Variants in ANK2 observed in about 807,000 individuals in gnomAD.
ANK2 encodes the protein ankyrin-2.
A neutral mutation model predicts 360.5 loss-of-function variants in ANK2; 83 were observed. The ratio of observed to expected loss-of-function variants is 0.23; its 90% CI spans 0.19 to 0.28. The LOEUF is 0.28. ANK2 is among the 10% of genes least tolerant of loss of function. ANK2 has a pLI of 1.00. For synonymous variants in ANK2, 1,740 were observed against 1,759.5 expected (o/e 0.99, Z 0.28); for missense variants, 4,201 against 4,795.7 (o/e 0.88, Z 3.66).
intron 23 of ANK2, 102 bp from the exon 24 acceptor site, chr4:113,311,142 AGTTTCATCAAG>A: frequency 1.5e-6 from 2 of 1,322,080 alleles, no homozygotes; most frequent in Non-Finnish European, 2.2e-6. Context: ...TGTGCAGTGC[AGTTTCATCAAG>A]GTCAAGGTAA....
intron 2 of ANK2, among the ~76,000 whole-genome samples, chr4:113,013,199 C>T (rs991672923): frequency 6.6e-6 from 1 of 152,114 alleles, no homozygotes. Context: ...ATTTATGATT[C>T]GTTCAGAGTG....
Position 113,381,823 on chromosome 4 carries a change from A to G in ANK2, c.*352A>G, listed in dbSNP as rs142883951. The G allele has an allele frequency of 1.9e-6, 1 of 524,590 alleles. No individual in the cohort carries two copies. Among genetic ancestry groups the G allele is most frequent in the African/African-American group, 1.9e-5 (1 of 51,910 alleles). 32.5% of individuals were successfully genotyped at this position (524,590 alleles called of 1,614,324 possible). A position where few individuals can be genotyped will look rare whatever the true frequency, so the allele number is the denominator to read the frequency against. ...TCTTTAACTATAAAGCTAATTTGTG[A>G]CCAAAGATGGCATCCTTCATACTGG... On this transcript the variant is annotated 3_prime_UTR_variant, in exon 46 of 46. Transcript: ENST00000357077.
chr4:113,265,100 GT>G, intron 14 of ANK2, 105 bp downstream of exon 14: 1 of 1,042,936 alleles, frequency 9.6e-7, no homozygotes, highest in Non-Finnish European at 1.4e-6. Flanking sequence ...ACCAGGGACT[GT>G]AAGTGAAAGG....
chr4:113,193,366 T>C (rs2098700917), intron 2 of ANK2, among the ~76,000 whole-genome samples: 1 of 152,234 alleles, frequency 6.6e-6, no homozygotes, highest in African/African-American at 2.4e-5. Flanking sequence ...TGGCGCATTG[T>C]GTGCTTTGCT....
chr4:112,902,069 G>A (rs1470701343), intron 1 of ANK2, among the ~76,000 whole-genome samples: 1 of 152,066 alleles, frequency 6.6e-6, no homozygotes, highest in African/African-American at 2.4e-5. Context: ...GAAGAGGAGA[G>A]CACTTAAATT....
In ANK2 at chr4:113,257,916, C is replaced by G. The variant is rs2050388023; in HGVS notation, c.1189-134C>G. On this transcript the variant is annotated intron_variant, in intron 11 of 45. Transcript: ENST00000357077. Reference sequence around the variant, plus strand: ...ACATCACCATTTTTCTTTCCAAATTCCAACACCTGCAGGGATTGAAGAAAT... The same window carrying G: ...ACATCACCATTTTTCTTTCCAAATTGCAACACCTGCAGGGATTGAAGAAAT... 1.1e-5 allele frequency: 10 copies of G among 914,384 alleles called. No individual in the cohort carries two copies. The Admixed American group carries it at 1.2e-4, about 11-fold the overall frequency. The allele number at this position is 914,384 out of a possible 1,614,324, so 56.6% of individuals were successfully genotyped here. A position where few individuals can be genotyped will look rare whatever the true frequency, so the allele number is the denominator to read the frequency against.
chr4:112,952,954 C>A (rs2095119418), intron 2 of ANK2, among the ~76,000 whole-genome samples: 1 of 152,114 alleles, frequency 6.6e-6, no homozygotes, highest in Non-Finnish European at 1.5e-5. Flanking sequence ...ATAATAACAG[C>A]AGCAACAGCA....
In ANK2 at chr4:113,383,242, T is replaced by G. The variant is rs2097198532; in HGVS notation, c.*1771T>G. 6.6e-6 allele frequency: 1 copy of G among 152,628 alleles called. No individual in the cohort carries two copies. Among genetic ancestry groups the G allele is most frequent in the African/African-American group, 2.4e-5 (1 of 41,438 alleles). The allele number at this position is 152,628 out of a possible 1,614,324, so 9.5% of individuals were successfully genotyped here. A position where few individuals can be genotyped will look rare whatever the true frequency, so the allele number is the denominator to read the frequency against. On this transcript the variant is annotated 3_prime_UTR_variant, in exon 46 of 46. Transcript: ENST00000357077. ...AACAATGGCACTTCATCATTTAAAG[T>G]AATGTTGCCAAGAGAAAAAATTTCC...
intron 1 of ANK2, among the ~76,000 whole-genome samples, chr4:113,051,569 A>G (rs1031373129): frequency 6.6e-6 from 1 of 152,224 alleles, no homozygotes; most frequent in Non-Finnish European, 1.5e-5. Flanking sequence ...CACCATGAAT[A>G]TTGAGTGTTA....
Position 112,831,316 on chromosome 4 carries a change from T to G in ANK2, c.-40+13052T>G, listed in dbSNP as rs572361122. Among the ~76,000 whole-genome samples, 7 of 152,284 alleles carry G rather than the reference T, an allele frequency of 4.6e-5. No individual in the cohort carries two copies. The East Asian group carries it at 1.4e-3, about 29-fold the overall frequency. ...GAACTTTTATGCCTAGCTAAAGGAT[T>G]GTAAATGCACCAATCAGCACTCTGT... On this transcript the variant is annotated intron_variant, in intron 1 of 30. Transcript: ENST00000503271.
chr4:113,077,451 A>T (rs1346543991), intron 1 of ANK2, among the ~76,000 whole-genome samples: 2 of 152,178 alleles, frequency 1.3e-5, no homozygotes, highest in Non-Finnish European at 2.9e-5. Context: ...AAAAAATTTT[A>T]AGAAGTATAA....
intron 1 of ANK2, chr4:113,117,432 C>G: frequency 2.2e-6 from 1 of 456,106 alleles, no homozygotes. Context: ...TGAGGAGCAT[C>G]CTTTTAACCC....
At chr4:112,769,457 G>A in the ANK2 span, among the ~76,000 whole-genome samples, 4 of 152,156 alleles carry the variant, frequency 2.6e-5, no homozygotes, top group South Asian at 4.1e-4. Flanking sequence ...TGTACTTACC[G>A]AAGTTAGACT....
chr4:113,054,415 A>G (rs2068585745), intron 1 of ANK2, among the ~76,000 whole-genome samples: 1 of 152,180 alleles, frequency 6.6e-6, no homozygotes, highest in African/African-American at 2.4e-5. Context: ...GTGTGGTTAA[A>G]ATGTTGTACC....
rs1015606095 is a variant in ANK2, at chr4:113,230,048, C to T, written c.385-2113C>T. ...CTTTGAATCTCTAATTCTAGCCTTC[C>T]GCCACCTCTTCAGTGTTCTTAAAAT... On this transcript the variant is annotated intron_variant, in intron 4 of 45. Transcript: ENST00000357077. Among the ~76,000 whole-genome samples, 6 of 152,120 alleles carry T rather than the reference C, an allele frequency of 3.9e-5. No individual in the cohort carries two copies. The East Asian group carries it at 7.7e-4, about 20-fold the overall frequency.
intron 2 of ANK2, among the ~76,000 whole-genome samples, chr4:112,971,145 T>C (rs967496709): frequency 6.6e-6 from 1 of 152,206 alleles, no homozygotes; most frequent in African/African-American, 2.4e-5. Context: ...TATTAATTGA[T>C]GAGGAACCAG....
At chr4:113,270,894 T>G (rs2058251905) in intron 14 of ANK2, among the ~76,000 whole-genome samples, 1 of 152,216 alleles carries the variant, frequency 6.6e-6, no homozygotes, top group African/African-American at 2.4e-5. Flanking sequence ...TTTATTGTCA[T>G]TTAATCCTTT....
intron 1 of ANK2, among the ~76,000 whole-genome samples, chr4:113,154,337 T>C (rs2097200470): frequency 6.6e-6 from 1 of 152,208 alleles, no homozygotes. Flanking sequence ...AGGAGTAAGG[T>C]ACTATAAGAC....
the ANK2 span, among the ~76,000 whole-genome samples, chr4:112,712,400 ATATATATT>A: frequency 2.5e-5 from 1 of 39,764 alleles, no homozygotes; most frequent in Non-Finnish European, 6.2e-5. Flanking sequence ...ATATATATAT[ATATATATT>A]TTTTTTTTTT....
Sources: gnomAD v4.1 joint callset for allele counts (sites outside exome capture counted in the v4.1 genomes callset) on GRCh38, gnomAD v4.1.1 for gene constraint, MANE v1.5 for transcripts, NCBI Gene and HGNC (gene_info 2026-07-23, HGNC 2026-07-21) for gene names.